PTPRM: variants seen among roughly 807,000 people sequenced by gnomAD.
PTPRM encodes the protein receptor-type tyrosine-protein phosphatase mu.
PTPRM carries 47 observed loss-of-function variants against 186.7 expected under a neutral mutation model. The observed-to-expected ratio is 0.25, with a 90% confidence interval of 0.20 to 0.32. The LOEUF is 0.32. PTPRM is among the 10% of genes least tolerant of loss of function. The pLI is 1.00. For synonymous variants in PTPRM, 668 were observed against 674.9 expected, an observed-to-expected ratio of 0.99 and a Z score of 0.16; for missense variants, 1,494 against 1,865.0, an observed-to-expected ratio of 0.80 and a Z score of 3.66.
chr18:7,995,531 A>G (rs2083487571), intron 7 of PTPRM: 1 of 152,234 alleles, frequency 6.6e-6, no homozygotes, highest in Non-Finnish European at 1.5e-5. Context: ...CCAACAAAAT[A>G]TTAACATAGT....
chr18:7,742,095 A>G (rs1409549116), intron 1 of PTPRM: 3 of 152,190 alleles, frequency 2.0e-5, no homozygotes, highest in African/African-American at 7.2e-5. Flanking sequence ...TATGATAGAT[A>G]TATTTAGATA....
chr18:8,219,448 C>T (rs1477449059), intron 14 of PTPRM, among the ~76,000 whole-genome samples: 1 of 146,238 alleles, frequency 6.8e-6, no homozygotes, highest in Non-Finnish European at 1.5e-5. Flanking sequence ...GCCTGGGTGA[C>T]AGAGCAAGAG....
chr18:7,877,081 T>C (rs1296517703), intron 2 of PTPRM, among the ~76,000 whole-genome samples: 2 of 152,210 alleles, frequency 1.3e-5, no homozygotes, highest in Non-Finnish European at 2.9e-5. Context: ...ATTGTTAATA[T>C]AGATATATAT....
At chr18:7,766,993 G>A (rs987274334) in intron 1 of PTPRM, among the ~76,000 whole-genome samples, 9 of 152,156 alleles carry the variant, frequency 5.9e-5, no homozygotes. Flanking sequence ...AGTCTTACTG[G>A]TTGTGAGGAG....
chr18:7,840,670 G>A (rs727951), intron 2 of PTPRM, among the ~76,000 whole-genome samples: 2 of 152,004 alleles, frequency 1.3e-5, no homozygotes, highest in Non-Finnish European at 2.9e-5. Flanking sequence ...GAAATGTGCC[G>A]TCAGTGACTA....
At chr18:8,399,125 A>T (rs938483167) in intron 32 of PTPRM, among the ~76,000 whole-genome samples, 15 of 152,256 alleles carry the variant, frequency 9.9e-5, no homozygotes, top group Non-Finnish European at 1.5e-5. Context: ...TGCTCCAAGG[A>T]GCTGAGCAGA....
At chr18:7,895,148 A>T (rs1290664258) in intron 3 of PTPRM, among the ~76,000 whole-genome samples, 4 of 151,990 alleles carry the variant, frequency 2.6e-5, no homozygotes. Flanking sequence ...TGGGCAACTG[A>T]TTTAAACTTT....
intron 7 of PTPRM, among the ~76,000 whole-genome samples, chr18:7,966,050 A>G (rs985353664): frequency 2.6e-5 from 4 of 152,366 alleles, no homozygotes; most frequent in African/African-American, 9.6e-5. Flanking sequence ...ATTTTAGTTT[A>G]TGAGGGTTAG....
chr18:7,616,962 A>G (rs567024357), intron 1 of PTPRM, among the ~76,000 whole-genome samples: 104 of 152,228 alleles, frequency 6.8e-4, no homozygotes, highest in African/African-American at 2.3e-3. Context: ...GGTTGTTCTC[A>G]CTGTCAGCAC....
intron 19 of PTPRM, among the ~76,000 whole-genome samples, chr18:8,288,362 G>A (rs776532795): frequency 3.4e-4 from 51 of 152,202 alleles, no homozygotes; most frequent in Admixed American, 1.5e-3. Context: ...AGATAAGGGG[G>A]AGCCCCAGGC....
chr18:8,399,831 G>C (rs2095862814), intron 32 of PTPRM: 1 of 152,154 alleles, frequency 6.6e-6, no homozygotes, highest in Non-Finnish European at 1.5e-5. Flanking sequence ...GTGTGGAAAA[G>C]GTAAGGGAAA....
At chr18:7,825,647 A>G (rs1224635433) in intron 2 of PTPRM, among the ~76,000 whole-genome samples, 5 of 152,122 alleles carry the variant, frequency 3.3e-5, no homozygotes, top group African/African-American at 4.8e-5. Flanking sequence ...CTGGCAGCTC[A>G]TTATGTTATC....
intron 14 of PTPRM, among the ~76,000 whole-genome samples, chr18:8,185,592 G>A (rs529214887): frequency 6.6e-6 from 1 of 152,272 alleles, no homozygotes; most frequent in South Asian, 2.1e-4. Context: ...GGTGGCTCTG[G>A]GTCTGTGGCC....
chr18:8,030,521 A>T (rs2085894380), intron 7 of PTPRM, among the ~76,000 whole-genome samples: 1 of 152,204 alleles, frequency 6.6e-6, no homozygotes, highest in African/African-American at 2.4e-5. Context: ...GCGTGTTCCG[A>T]TAGTAATAGC....
chr18:8,257,024 G>T (rs564695285), intron 19 of PTPRM, among the ~76,000 whole-genome samples: 1 of 152,194 alleles, frequency 6.6e-6, no homozygotes, highest in African/African-American at 2.4e-5. Context: ...CTGTCCCCTG[G>T]GGAAGCTGAC....
chr18:7,956,209 T>C (rs2053297691), intron 7 of PTPRM, among the ~76,000 whole-genome samples: 1 of 152,198 alleles, frequency 6.6e-6, no homozygotes. Context: ...GATGAGGAGA[T>C]TCCATAAATT....
At chr18:8,270,979 T>C (rs1200664778) in intron 19 of PTPRM, among the ~76,000 whole-genome samples, 1 of 152,116 alleles carries the variant, frequency 6.6e-6, no homozygotes, top group East Asian at 1.9e-4. Flanking sequence ...TGAAATTTGC[T>C]GAGACTTAAG....
At chr18:8,277,231 A>C (rs950071541) in intron 19 of PTPRM, among the ~76,000 whole-genome samples, 1 of 152,072 alleles carries the variant, frequency 6.6e-6, no homozygotes, top group African/African-American at 2.4e-5. Context: ...TTTTATTTTT[A>C]TTTTTTCCCA....
intron 1 of PTPRM, among the ~76,000 whole-genome samples, chr18:7,715,226 C>G (rs1053449843): frequency 1.3e-5 from 2 of 152,192 alleles, no homozygotes; most frequent in African/African-American, 4.8e-5. Flanking sequence ...TAAACGTAAT[C>G]CATTACATAA....
Sources: allele counts gnomAD v4.1 joint callset (sites outside exome capture counted in the v4.1 genomes callset), GRCh38; gene constraint gnomAD v4.1.1; transcripts MANE v1.5; gene names NCBI Gene and HGNC (gene_info 2026-07-23, HGNC 2026-07-21).